The following PCDH11X variants were observed in gnomAD, a reference collection of about 807,000 sequenced individuals.
PCDH11X encodes protocadherin 11 X-linked.
A neutral mutation model predicts 53.3 loss-of-function variants in PCDH11X; 18 were observed. That is an observed-to-expected ratio of 0.34 (90% CI 0.23 to 0.50). The LOEUF (loss-of-function observed/expected upper bound fraction) is 0.50, where lower values mean the gene tolerates loss of function less well. PCDH11X is among the 20% of genes least tolerant of loss of function. PCDH11X has a pLI of 0.98. For synonymous variants in PCDH11X, 279 were observed against 393.3 expected (o/e 0.71, Z 3.44); for missense variants, 570 against 1,032.4 (o/e 0.55, Z 6.14).
At chrX:92,450,548 A>T (rs1161386811) in intron 9 of PCDH11X, among the ~76,000 whole-genome samples, 1 of 108,812 alleles carries the variant, frequency 9.2e-6, no homozygotes, top group Non-Finnish European at 1.9e-5. Context: ...TTGTTCCCAT[A>T]AAATGGAGTG....
At chrX:92,319,719 A>C (rs948948206) in intron 8 of PCDH11X, among the ~76,000 whole-genome samples, 2 of 111,340 alleles carry the variant, frequency 1.8e-5, no homozygotes, top group Non-Finnish European at 3.8e-5. Flanking sequence ...TAGGATTATC[A>C]GGAGAGTGAA....
chrX:91,955,993 T>G (rs1458453754), intron 6 of PCDH11X, among the ~76,000 whole-genome samples: 1 of 109,984 alleles, frequency 9.1e-6, no homozygotes, highest in Non-Finnish European at 1.9e-5. Flanking sequence ...AATTGAAACT[T>G]TTACCATTAT....
At chrX:92,507,798 T>C (rs976358047) in intron 10 of PCDH11X, among the ~76,000 whole-genome samples, 1 of 98,669 alleles carries the variant, frequency 1.0e-5, no homozygotes. Context: ...GAAACAAGAA[T>C]ATTAATATTG....
chrX:91,779,985 T>C (rs772904130), intron 1 of PCDH11X, among the ~76,000 whole-genome samples: 5 of 111,842 alleles, frequency 4.5e-5, no homozygotes, highest in African/African-American at 6.5e-5. Context: ...TTCCCCGACA[T>C]TGGCTGTGCA....
At chrX:91,807,716 A>G (rs1936167836) in intron 1 of PCDH11X, among the ~76,000 whole-genome samples, 1 of 111,833 alleles carries the variant, frequency 8.9e-6, no homozygotes, top group African/African-American at 3.2e-5. Context: ...CCCCTAAGTC[A>G]TGAAGTGCAT....
At chrX:91,981,246 C>T (rs2062132260) in intron 6 of PCDH11X, among the ~76,000 whole-genome samples, 1 of 108,546 alleles carries the variant, frequency 9.2e-6, no homozygotes, top group African/African-American at 3.3e-5. Flanking sequence ...TATCTCACTC[C>T]CCATTCAATC....
intron 10 of PCDH11X, among the ~76,000 whole-genome samples, chrX:92,573,644 A>C (rs1297028338): frequency 4.5e-5 from 5 of 110,879 alleles, no homozygotes; most frequent in Non-Finnish European, 9.4e-5. Flanking sequence ...TTTATTTCAT[A>C]AATACCCATT....
rs2072068997 is a variant in PCDH11X at position 92,424,801 on chromosome X, C to T, written c.3343+36868C>T. On this transcript the variant is annotated intron_variant, in intron 9 of 10. Coordinates refer to ENST00000682573, the MANE Select transcript of PCDH11X (RefSeq NM_032968.5). ...CCTTTTGTTTACCTTTCAGAGTCCT[C>T]GGGTAGTTGCCTTTTGTATATTTTC... is the stretch of plus-strand genomic sequence containing the variant. 2.1e-5 allele frequency among the ~76,000 whole-genome samples: 2 copies of T among 97,132 alleles called. 1 individual carries two copies. The highest frequency in any genetic ancestry group is 4.6e-5 in the Non-Finnish European group (2 of 43,933). 84.3% of individuals were successfully genotyped at this position (97,132 alleles called of 115,157 possible).
At chrX:91,904,999 A>G (rs184457458) in intron 6 of PCDH11X, among the ~76,000 whole-genome samples, 1,979 of 110,004 alleles carry the variant, frequency 0.018, 61 homozygotes, top group African/African-American at 0.063. Context: ...AAAGAAAAAT[A>G]TAGTGCTATT....
chrX:92,235,412 A>C (rs2148376496), intron 7 of PCDH11X, among the ~76,000 whole-genome samples: 1 of 111,330 alleles, frequency 9.0e-6, no homozygotes, highest in African/African-American at 3.3e-5. Flanking sequence ...ATTTTCTGAT[A>C]AAGGTGGTGT....
At chrX:92,248,706 A>G (rs1603230425) in intron 7 of PCDH11X, among the ~76,000 whole-genome samples, 1 of 111,106 alleles carries the variant, frequency 9.0e-6, no homozygotes, top group East Asian at 2.8e-4. Context: ...TATTTTATTT[A>G]TTTGAGACAG....
intron 7 of PCDH11X, among the ~76,000 whole-genome samples, chrX:92,254,470 T>C (rs1381797558): frequency 1.8e-5 from 2 of 109,435 alleles, no homozygotes; most frequent in African/African-American, 6.8e-5. Context: ...TGTGTGAATT[T>C]GATCCTGTCA....
At chrX:92,003,307 A>G (rs1485836020) in intron 6 of PCDH11X, among the ~76,000 whole-genome samples, 1 of 105,342 alleles carries the variant, frequency 9.5e-6, no homozygotes, top group African/African-American at 3.4e-5. Flanking sequence ...GGATTTTTGC[A>G]TCAATACTCA....
chrX:92,564,664 A>G (rs1921243779), intron 10 of PCDH11X, among the ~76,000 whole-genome samples: 1 of 111,960 alleles, frequency 8.9e-6, no homozygotes, highest in South Asian at 3.7e-4. Flanking sequence ...CTATAAAATT[A>G]CTAGAAGAAA....
intron 6 of PCDH11X, among the ~76,000 whole-genome samples, chrX:92,180,194 A>C (rs371042227): frequency 2.7e-5 from 3 of 111,041 alleles, no homozygotes; most frequent in Admixed American, 9.6e-5. Context: ...GAAGCACTAC[A>C]TTCTGTTTAA....
intron 1 of PCDH11X, among the ~76,000 whole-genome samples, chrX:91,793,522 G>C (rs1473488438): frequency 6.4e-5 from 7 of 110,024 alleles, no homozygotes; most frequent in African/African-American, 2.3e-4. Context: ...AGTCAATAGT[G>C]GACTAGGAAA....
chrX:91,877,704 A>G lies in PCDH11X; in HGVS notation c.1464A>G (p.Val488=), dbSNP rs1467821900. ...NNSPGIQLTK[V]SAMDADSGPN... ...CTCCTGGCATCCAGTTGACGAAAGT[A>G]AGTGCAATGGATGCAGACAGTGGGC... The change falls in exon 6 of 11, where the codon GTA becomes GTG. Residue 488 remains valine (V), a synonymous_variant. Transcript: ENST00000682573. 4.1e-6 allele frequency: 5 copies of G among 1,211,719 alleles called. No homozygotes were observed. Among genetic ancestry groups the G allele is most frequent in the Admixed American group, 2.2e-5 (1 of 46,046 alleles).
chrX:92,237,048 C>T (rs2067184316), intron 7 of PCDH11X, among the ~76,000 whole-genome samples: 1 of 111,194 alleles, frequency 9.0e-6, no homozygotes, highest in Admixed American at 9.6e-5. Flanking sequence ...AAAAAAGACA[C>T]CTGCCATGAT....
chrX:92,419,025 G>GT (rs199957345), intron 9 of PCDH11X, among the ~76,000 whole-genome samples: 1,291 of 98,443 alleles, frequency 0.013, 18 homozygotes, highest in Non-Finnish European at 0.021. Flanking sequence ...TTGTATTGGG[G>GT]TTTTTTTTTT....
Sources: allele counts gnomAD v4.1 joint callset (sites outside exome capture counted in the v4.1 genomes callset), GRCh38; gene constraint gnomAD v4.1.1; transcripts MANE v1.5; gene names NCBI Gene and HGNC (gene_info 2026-07-23, HGNC 2026-07-21).